Variants in PBK observed in about 807,000 individuals in gnomAD.
PBK encodes the protein lymphokine-activated killer T-cell-originated protein kinase.
PBK carries 22 observed loss-of-function variants against 33.5 expected under a neutral mutation model. That is an observed-to-expected ratio of 0.66 (90% CI 0.47 to 0.94). PBK has a LOEUF of 0.94. Among genes scored for constraint, PBK ranks in the 40% least tolerant of loss-of-function variants. The probability of loss-of-function intolerance (pLI) is 0.00; values close to 1 mark genes in which losing one functional copy is unlikely to be tolerated. For synonymous variants in PBK, 129 were observed against 123.8 expected (o/e 1.04, Z -0.28); for missense variants, 376 against 383.4 (o/e 0.98, Z 0.16).
intron 3 of PBK, among the ~76,000 whole-genome samples, chr8:27,826,075 G>GT (rs1806019041): frequency 1.3e-5 from 2 of 152,170 alleles, no homozygotes; most frequent in Non-Finnish European, 2.9e-5. Flanking sequence ...ATCCAGGACA[G>GT]TGGGGGGGAC....
In PBK at chr8:27,835,479, T is replaced by A. The variant is rs143192667; in HGVS notation, c.-21+2173A>T. ...CGGAAATAATTTCCCCATGTCATTC[T>A]GACTCCCCTTCTTCCATCTGTGTTA... On this transcript the variant is annotated intron_variant, in intron 1 of 7. Coordinates refer to ENST00000301905, the MANE Select transcript of PBK (RefSeq NM_018492.4). 7.9e-3 allele frequency among the ~76,000 whole-genome samples: 1,202 copies of A among 152,262 alleles called. 15 individuals carry two copies. The highest frequency in any genetic ancestry group is 0.027 in the African/African-American group (1,136 of 41,548).
In PBK at chr8:27,823,201, G is replaced by A. The variant is rs978779407; in HGVS notation, c.157C>T (p.Pro53Ser). 1.0e-5 allele frequency: 15 copies of A among 1,491,314 alleles called. No individual in the cohort carries two copies. In the Admixed American group the frequency reaches 1.7e-4, roughly 17 times the overall value. The allele number at this position is 1,491,314 out of a possible 1,614,324, so 92.4% of individuals were successfully genotyped here. A position where few individuals can be genotyped will look rare whatever the true frequency, so the allele number is the denominator to read the frequency against. Residue 53 changes from proline to serine, a missense_variant, in exon 4 of 8, where the codon CCA (proline) becomes TCA (serine). By Grantham distance (74) the Pro-to-Ser change is moderately conservative (BLOSUM62 -1). Coordinates refer to ENST00000301905, the MANE Select transcript of PBK (RefSeq NM_018492.4). ...CAAGGAGAATGAGACAAACCTCTTG[G>A]AGATCTAAGAAAAAAATTCATTTAA... ...GVNVYLMKRS[P>S]RGLSHSPWAV...
chr8:27,830,719 A>C (rs1237785559), intron 2 of PBK, among the ~76,000 whole-genome samples: 2 of 151,902 alleles, frequency 1.3e-5, no homozygotes, highest in African/African-American at 4.8e-5. Flanking sequence ...ATCCAAATTT[A>C]AATAACCAAA....
Position 27,810,182 on chromosome 8 carries a change from TAAC to T in PBK, c.*120_*122del. ...ATATTAGAAATAGTTATCCATATGT[TAAC>T]AAGAAACTATGGTCCTCAAATATGC... On this transcript the variant is annotated 3_prime_UTR_variant, in exon 8 of 8. Transcript: ENST00000301905. 1.5e-6 allele frequency: 1 copy of T among 672,342 alleles called. No homozygotes were observed. The highest frequency in any genetic ancestry group is 1.8e-5 in the South Asian group (1 of 56,646). 41.6% of individuals were successfully genotyped at this position (672,342 alleles called of 1,614,324 possible).
chr8:27,810,497 T>TTTATC lies in PBK; in HGVS notation c.773-1_776dup (p.Thr260IlefsTer36). 1 of 1,595,250 alleles carries TTTATC rather than the reference T, an allele frequency of 6.3e-7. No homozygotes were observed. The highest frequency in any genetic ancestry group is 8.6e-7 in the Non-Finnish European group (1 of 1,166,470). ...CATCAAAATCACTTTCATCAAAAGT[T>TTTATC]TTATCTTGAAGGAGTTAGAGATTGA... is the stretch of plus-strand genomic sequence containing the variant. On this transcript the variant is annotated frameshift_variant, in exon 8 of 8. Transcript: ENST00000301905. LOFTEE classifies it high-confidence loss of function.
chr8:27,825,815 G>GA (rs367826935), intron 3 of PBK, among the ~76,000 whole-genome samples: 2 of 152,016 alleles, frequency 1.3e-5, no homozygotes, highest in African/African-American at 4.8e-5. Flanking sequence ...GGAAATCTCA[G>GA]AAAAAAGATA....
intron 1 of PBK, among the ~76,000 whole-genome samples, chr8:27,835,542 G>A (rs890676547): frequency 1.4e-5 from 2 of 146,374 alleles, no homozygotes; most frequent in African/African-American, 5.0e-5. Flanking sequence ...GCACCTCAGA[G>A]ATCTTCTAAG....
intron 4 of PBK, 58 bp downstream of exon 4, chr8:27,823,005 A>C (rs1585429115): frequency 9.2e-7 from 1 of 1,089,822 alleles, no homozygotes; most frequent in East Asian, 2.4e-5. Flanking sequence ...AGAGCATATA[A>C]GCTGTTTCTG....
In PBK at chr8:27,820,659, G is replaced by T; in HGVS notation, c.501C>A (p.Asp167Glu). The T allele has an allele frequency of 6.4e-7, 1 of 1,569,076 alleles. No individual in the cohort carries two copies. Residue 167 changes from aspartate to glutamate, a missense_variant, in exon 6 of 8, where the codon GAC becomes GAA. Coordinates refer to ENST00000301905, the MANE Select transcript of PBK (RefSeq NM_018492.4). ...LHQEKKLLHG[D>E]IKSSNVVIKG... Reference sequence around the variant, plus strand: ...TAATTACAACATTTGAAGACTTTATGTCTCCATGAAGCAGTTTCTTTTCTT... The same window carrying T: ...TAATTACAACATTTGAAGACTTTATTTCTCCATGAAGCAGTTTCTTTTCTT...
chr8:27,825,828 G>A (rs1038256734), intron 3 of PBK, among the ~76,000 whole-genome samples: 7 of 152,120 alleles, frequency 4.6e-5, no homozygotes, highest in East Asian at 3.9e-4. Context: ...AAAAGATAGC[G>A]AATAAGAAAA....
chr8:27,831,484 A>G (rs1021630508), intron 2 of PBK, among the ~76,000 whole-genome samples: 1 of 116,198 alleles, frequency 8.6e-6, no homozygotes, highest in African/African-American at 3.8e-5. Context: ...GTAGTTGGAA[A>G]CTTCAACTCT....
At chr8:27,816,703 TTAATA>T (rs1563489546) in intron 6 of PBK, among the ~76,000 whole-genome samples, 1 of 152,194 alleles carries the variant, frequency 6.6e-6, no homozygotes, top group East Asian at 1.9e-4. Context: ...TTGTGAAATG[TTAATA>T]TATTACCTGT....
At chr8:27,829,107 G>C (rs945694706) in intron 2 of PBK, among the ~76,000 whole-genome samples, 1 of 152,144 alleles carries the variant, frequency 6.6e-6, no homozygotes, top group African/African-American at 2.4e-5. Flanking sequence ...GAGAACTAGA[G>C]AGCTCCAAAG....
At chr8:27,830,887 A>G (rs1361116117) in intron 2 of PBK, among the ~76,000 whole-genome samples, 1 of 152,250 alleles carries the variant, frequency 6.6e-6, no homozygotes, top group African/African-American at 2.4e-5. Context: ...GAAAAACATC[A>G]TTAAAACACA....
Position 27,810,985 on chromosome 8 carries a change from T to A in PBK, c.745A>T (p.Asn249Tyr). ...TCATCATCATCATCATTTGAAAGAT[T>A]AATGTGTGGAATCGATAAAGTCATC... The part of the protein sequence containing the change: ...EMMTLSIPHI[N>Y]LSNDDDDEDK... The change falls in exon 7 of 8, where the codon AAT becomes TAT. Residue 249 changes from asparagine (N) to tyrosine (Y), a missense_variant. By Grantham distance (143) the Asn-to-Tyr change is moderately radical. Transcript: ENST00000301905. 6.2e-7 allele frequency: 1 copy of A among 1,607,706 alleles called. No individual in the cohort carries two copies. The highest frequency in any genetic ancestry group is 1.1e-5 in the South Asian group (1 of 90,938).
In PBK at chr8:27,828,116, G is replaced by A. The variant is rs555099444; in HGVS notation, c.141C>T (p.Tyr47=). ...AATCTTATACTTACCTTTTCATTAG[G>A]TACACATTTACCCCAGTACCAAAGC... ...KLGFGTGVNV[Y]LMKRSPRGLS... The change falls in exon 3 of 8, where the codon TAC becomes TAT. Residue 47 remains tyrosine (Y), a synonymous_variant. Coordinates refer to ENST00000301905, the MANE Select transcript of PBK (RefSeq NM_018492.4). The A allele has an allele frequency of 6.0e-6, 9 of 1,488,378 alleles. 1 individual carries two copies. Among genetic ancestry groups the A allele is most frequent in the African/African-American group, 4.1e-5 (3 of 72,420 alleles). The allele number at this position is 1,488,378 out of a possible 1,614,324, so 92.2% of individuals were successfully genotyped here.
intron 2 of PBK, among the ~76,000 whole-genome samples, chr8:27,831,554 A>G (rs1040569133): frequency 6.6e-6 from 1 of 152,210 alleles, no homozygotes; most frequent in East Asian, 1.9e-4. Context: ...TAGAACATTG[A>G]CATTTGTAGA....
At chr8:27,814,226 C>T (rs1425619035) in intron 6 of PBK, among the ~76,000 whole-genome samples, 1 of 152,122 alleles carries the variant, frequency 6.6e-6, no homozygotes, top group African/African-American at 2.4e-5. Flanking sequence ...AGACATAGGG[C>T]TATGTGGATT....
intron 1 of PBK, among the ~76,000 whole-genome samples, chr8:27,833,874 G>T (rs1426449340): frequency 2.6e-5 from 4 of 152,110 alleles, no homozygotes; most frequent in Admixed American, 6.5e-5. Flanking sequence ...TGCATCAGAT[G>T]ATGAATGGAT....
Sources: allele counts gnomAD v4.1 joint callset (sites outside exome capture counted in the v4.1 genomes callset), GRCh38; gene constraint gnomAD v4.1.1; transcripts MANE v1.5; gene names NCBI Gene and HGNC (gene_info 2026-07-23, HGNC 2026-07-21).